The following STPG2 variants were observed in gnomAD, a reference collection of about 807,000 sequenced individuals.
STPG2 encodes sperm-tail PG-rich repeat-containing protein 2.
Under a neutral mutation model 54.2 loss-of-function variants are expected in STPG2, and 56 were observed. That is an observed-to-expected ratio of 1.03 (90% confidence interval 0.83 to 1.29). The LOEUF (loss-of-function observed/expected upper bound fraction) is 1.29. STPG2 is among the 50% of genes most tolerant of loss of function. The pLI is 0.00. For missense variants in STPG2, 596 were observed against 544.9 expected, an observed-to-expected ratio of 1.09 and a Z score of -0.93; for synonymous variants, 200 against 181.8, an observed-to-expected ratio of 1.10 and a Z score of -0.81.
chr4:97,753,548 C>T (rs1598537), intron 9 of STPG2, among the ~76,000 whole-genome samples: 127,495 of 151,980 alleles, frequency 0.84, 53,650 homozygotes, highest in Middle Eastern at 0.94. Context: ...TCTATTTGAG[C>T]TCCTGCTTTC....
chr4:97,824,182 G>C lies in STPG2; in HGVS notation c.1204+16591C>G, dbSNP rs547560192. ...AAAATCCCTGTGTGACTGACAAGCA[G>C]CTGCCTAAACTTTTCAGTGTGGCTG... On this transcript the variant is annotated intron_variant, in intron 9 of 10. Transcript: ENST00000295268. Among the ~76,000 whole-genome samples the C allele has an allele frequency of 6.4e-4, 98 of 152,092 alleles. 1 individual carries two copies. Among genetic ancestry groups the C allele is most frequent in the Non-Finnish European group, 1.3e-3 (87 of 68,000 alleles).
intron 4 of STPG2, among the ~76,000 whole-genome samples, chr4:97,549,260 A>G (rs1693645178): frequency 6.6e-6 from 1 of 152,220 alleles, no homozygotes; most frequent in Non-Finnish European, 1.5e-5. Context: ...ATAATATTTC[A>G]TACATATATT....
chr4:97,606,465 G>GA (rs925384043), intron 10 of STPG2, among the ~76,000 whole-genome samples: 2 of 151,766 alleles, frequency 1.3e-5, no homozygotes, highest in Non-Finnish European at 2.9e-5. Flanking sequence ...TATTTTATTG[G>GA]AAAAAACAAA....
At chr4:97,539,583 CAAT>C (rs1165773596) in intron 4 of STPG2, among the ~76,000 whole-genome samples, 7 of 152,228 alleles carry the variant, frequency 4.6e-5, no homozygotes, top group African/African-American at 1.7e-4. Flanking sequence ...GACTCGCACA[CAAT>C]AATAATGGGA....
chr4:97,446,990 G>C (rs1729238496), intron 4 of STPG2, among the ~76,000 whole-genome samples: 1 of 152,192 alleles, frequency 6.6e-6, no homozygotes, highest in South Asian at 2.1e-4. Flanking sequence ...GGAGGGCTCA[G>C]AAGAAGATAG....
At chr4:97,936,518 G>C (rs1420545615) in intron 8 of STPG2, among the ~76,000 whole-genome samples, 2 of 152,148 alleles carry the variant, frequency 1.3e-5, no homozygotes, top group East Asian at 1.9e-4. Context: ...GCTGGTACCA[G>C]TTTTACCTTT....
intron 8 of STPG2, among the ~76,000 whole-genome samples, chr4:97,890,332 C>G (rs1730719648): frequency 6.6e-6 from 1 of 152,006 alleles, no homozygotes; most frequent in African/African-American, 2.4e-5. Flanking sequence ...ACTCACAAGA[C>G]TTGCCAACAC....
intron 5 of STPG2, among the ~76,000 whole-genome samples, chr4:98,097,611 T>C (rs776213801): frequency 4.6e-5 from 7 of 152,216 alleles, no homozygotes; most frequent in Non-Finnish European, 7.4e-5. Context: ...AACATAGTAC[T>C]AGAAGTCCTA....
intron 8 of STPG2, among the ~76,000 whole-genome samples, chr4:97,915,257 G>A (rs1343973489): frequency 6.6e-6 from 1 of 152,150 alleles, no homozygotes; most frequent in African/African-American, 2.4e-5. Context: ...TGGGAAAAGA[G>A]AAGAAAAGGA....
intron 10 of STPG2, among the ~76,000 whole-genome samples, chr4:97,704,238 G>A (rs1361781039): frequency 6.6e-6 from 1 of 152,090 alleles, no homozygotes; most frequent in Admixed American, 6.6e-5. Flanking sequence ...CACCATGAAA[G>A]AGTTTATGAA....
At chr4:97,663,498 T>TA (rs2148963336) in intron 10 of STPG2, among the ~76,000 whole-genome samples, 1 of 152,306 alleles carries the variant, frequency 6.6e-6, no homozygotes, top group African/African-American at 2.4e-5. Context: ...AACAAAAAAG[T>TA]AAATTTTTCT....
At chr4:97,840,656 A>T in intron 9 of STPG2, 117 bp downstream of exon 9, 1 of 1,153,302 alleles carries the variant, frequency 8.7e-7, no homozygotes, top group Non-Finnish European at 1.2e-6. Flanking sequence ...TGGTTTTGTT[A>T]TACATTATTT....
chr4:98,114,966 T>C (rs1739476454), intron 3 of STPG2, among the ~76,000 whole-genome samples: 1 of 141,320 alleles, frequency 7.1e-6, no homozygotes, highest in Non-Finnish European at 1.6e-5. Flanking sequence ...GTTTCTTTTA[T>C]GTCAAGAAGT....
chr4:97,444,372 T>G (rs753063597), intron 4 of STPG2, among the ~76,000 whole-genome samples: 2 of 152,150 alleles, frequency 1.3e-5, no homozygotes, highest in Non-Finnish European at 2.9e-5. Flanking sequence ...ATTGACTTTT[T>G]TTAACGCATA....
intron 9 of STPG2, among the ~76,000 whole-genome samples, chr4:97,801,447 T>C (rs1391811504): frequency 6.6e-6 from 1 of 152,084 alleles, no homozygotes; most frequent in East Asian, 1.9e-4. Flanking sequence ...ATCACATCAT[T>C]CTCAAAAACA....
intron 9 of STPG2, among the ~76,000 whole-genome samples, chr4:97,736,926 C>T (rs1725020173): frequency 1.3e-5 from 2 of 152,094 alleles, no homozygotes; most frequent in African/African-American, 4.8e-5. Flanking sequence ...TCCCTGACCC[C>T]TGACCCCCCA....
intron 10 of STPG2, among the ~76,000 whole-genome samples, chr4:97,613,032 T>G (rs1297821037): frequency 3.9e-5 from 6 of 152,112 alleles, no homozygotes; most frequent in African/African-American, 1.4e-4. Context: ...GTTCCTGTGT[T>G]TGATCTATTA....
intron 4 of STPG2, among the ~76,000 whole-genome samples, chr4:97,483,513 C>G (rs1730276054): frequency 6.6e-6 from 1 of 151,662 alleles, no homozygotes; most frequent in South Asian, 2.1e-4. Flanking sequence ...CCTTGTCTAA[C>G]AGGAAAATAT....
intron 10 of STPG2, among the ~76,000 whole-genome samples, chr4:97,624,375 T>C (rs558759046): frequency 4.2e-4 from 64 of 152,238 alleles, no homozygotes; most frequent in Non-Finnish European, 8.1e-4. Context: ...TAATGATCAC[T>C]GATGTTGAGA....
Sources: gnomAD v4.1 joint callset for allele counts (sites outside exome capture counted in the v4.1 genomes callset) on GRCh38, gnomAD v4.1.1 for gene constraint, MANE v1.5 for transcripts, NCBI Gene and HGNC (gene_info 2026-07-23, HGNC 2026-07-21) for gene names.